The following RAD51B variants were observed in gnomAD, a reference collection of about 807,000 sequenced individuals.
RAD51B encodes DNA repair protein RAD51 homolog 2.
RAD51B carries 38 observed loss-of-function variants against 42.2 expected under a neutral mutation model. The ratio of observed to expected loss-of-function variants is 0.90; its 90% CI spans 0.70 to 1.18. The LOEUF is 1.18. RAD51B is among the 50% of genes most tolerant of loss of function. The pLI is 0.00. For missense variants in RAD51B, 373 were observed against 400.7 expected (o/e 0.93, Z 0.59); for synonymous variants, 154 against 145.2 (o/e 1.06, Z -0.43).
chr14:68,079,812 G>C (rs2076885976), intron 7 of RAD51B, among the ~76,000 whole-genome samples: 1 of 152,212 alleles, frequency 6.6e-6, no homozygotes, highest in Non-Finnish European at 1.5e-5. Flanking sequence ...TTTCAAGAAA[G>C]ATTTAAGGTG....
intron 10 of RAD51B, among the ~76,000 whole-genome samples, chr14:68,640,627 T>C (rs1290748004): frequency 1.3e-5 from 2 of 152,190 alleles, no homozygotes; most frequent in African/African-American, 4.8e-5. Flanking sequence ...AATGCAATGA[T>C]AGTAGTATTT....
intron 1 of RAD51B, among the ~76,000 whole-genome samples, chr14:67,821,826 T>C (rs772427228): frequency 2.0e-5 from 3 of 152,164 alleles, no homozygotes; most frequent in Non-Finnish European, 4.4e-5. Context: ...AATGGTGTCA[T>C]TACTTGAAAC....
At chr14:68,335,023 G>A (rs11621881) in intron 8 of RAD51B, among the ~76,000 whole-genome samples, 98,353 of 148,092 alleles carry the variant, frequency 0.66, 33,132 homozygotes, top group Non-Finnish European at 0.73. Flanking sequence ...TTGGCTGGGC[G>A]CAGTGGCTCA....
At chr14:67,870,970 C>T (rs940549462) in intron 5 of RAD51B, among the ~76,000 whole-genome samples, 1 of 149,182 alleles carries the variant, frequency 6.7e-6, no homozygotes, top group African/African-American at 2.5e-5. Flanking sequence ...ACTAAATGCC[C>T]ACAAGAGAAA....
intron 8 of RAD51B, among the ~76,000 whole-genome samples, chr14:68,314,175 A>G (rs2082013763): frequency 6.6e-6 from 1 of 152,192 alleles, no homozygotes; most frequent in African/African-American, 2.4e-5. Context: ...GCTGATAGCA[A>G]GTTCGCTATC....
intron 7 of RAD51B, among the ~76,000 whole-genome samples, chr14:68,056,363 G>A (rs1282840234): frequency 6.6e-6 from 1 of 151,860 alleles, no homozygotes; most frequent in Non-Finnish European, 1.5e-5. Flanking sequence ...TGGTCAGGCT[G>A]GTCTCTAACT....
intron 7 of RAD51B, among the ~76,000 whole-genome samples, chr14:68,223,678 A>T (rs1356015322): frequency 3.3e-5 from 5 of 150,626 alleles, no homozygotes; most frequent in Non-Finnish European, 1.5e-5. Flanking sequence ...CAAATTTTTT[A>T]AAATATTTTT....
chr14:67,995,376 T>A (rs1266321792), intron 7 of RAD51B, among the ~76,000 whole-genome samples: 1 of 151,632 alleles, frequency 6.6e-6, no homozygotes, highest in African/African-American at 2.4e-5. Flanking sequence ...AGAGCGAGAC[T>A]CCATCTCAAA....
intron 7 of RAD51B, among the ~76,000 whole-genome samples, chr14:68,163,069 T>C (rs1483710244): frequency 6.6e-6 from 1 of 152,220 alleles, no homozygotes; most frequent in Non-Finnish European, 1.5e-5. Flanking sequence ...GTTTCTGAAT[T>C]GTGCATATCT....
chr14:67,993,844 C>T (rs529750670), intron 7 of RAD51B, among the ~76,000 whole-genome samples: 2 of 152,054 alleles, frequency 1.3e-5, no homozygotes, highest in Non-Finnish European at 2.9e-5. Flanking sequence ...ACAATTATTA[C>T]TTTGTTTTTT....
chr14:68,209,546 T>C (rs1340151246), intron 7 of RAD51B, among the ~76,000 whole-genome samples: 1 of 152,236 alleles, frequency 6.6e-6, no homozygotes, highest in East Asian at 1.9e-4. Context: ...CTTGTTCATT[T>C]TTTTTTCCAA....
chr14:68,270,234 C>G (rs2139581544), intron 7 of RAD51B, among the ~76,000 whole-genome samples: 1 of 152,246 alleles, frequency 6.6e-6, no homozygotes, highest in Non-Finnish European at 1.5e-5. Flanking sequence ...TCAGATATGG[C>G]CAATAAAATT....
At chr14:68,581,581 C>T (rs1010545068) in intron 10 of RAD51B, among the ~76,000 whole-genome samples, 4 of 152,132 alleles carry the variant, frequency 2.6e-5, no homozygotes, top group Non-Finnish European at 5.9e-5. Context: ...CTCATACTGC[C>T]CATAGTAATT....
At chr14:68,283,614 G>T (rs554351109) in intron 7 of RAD51B, among the ~76,000 whole-genome samples, 70 of 152,312 alleles carry the variant, frequency 4.6e-4, no homozygotes, top group African/African-American at 1.5e-3. Flanking sequence ...TGCCGTCGGG[G>T]TTGGGCTGAA....
chr14:68,372,233 G>A (rs2083279707), intron 8 of RAD51B, among the ~76,000 whole-genome samples: 2 of 152,268 alleles, frequency 1.3e-5, no homozygotes, highest in Middle Eastern at 3.4e-3. Flanking sequence ...TAGAGTGTAG[G>A]GGACATAAGC....
At chr14:68,561,860 G>C in intron 10 of RAD51B, 1 of 738,552 alleles carries the variant, frequency 1.4e-6, no homozygotes, top group Non-Finnish European at 1.7e-6. Flanking sequence ...GGTCTCTGTA[G>C]TTTCCTCTGC....
intron 4 of RAD51B, among the ~76,000 whole-genome samples, chr14:67,858,787 C>T (rs2042076104): frequency 1.3e-5 from 2 of 152,220 alleles, no homozygotes; most frequent in Non-Finnish European, 2.9e-5. Flanking sequence ...TCTGCCTAGG[C>T]ATTTCACTGC....
intron 11 of RAD51B, among the ~76,000 whole-genome samples, chr14:68,668,734 C>T (rs1483238847): frequency 1.3e-5 from 2 of 152,248 alleles, no homozygotes; most frequent in Non-Finnish European, 2.9e-5. Context: ...TCCTGCACCC[C>T]CAGGCACGCT....
At chr14:67,834,594 GA>G (rs1199015520) in intron 3 of RAD51B, among the ~76,000 whole-genome samples, 1 of 152,018 alleles carries the variant, frequency 6.6e-6, no homozygotes, top group Non-Finnish European at 1.5e-5. Context: ...CATTCTAAAT[GA>G]ACTGTATATT....
Sources: allele counts gnomAD v4.1 joint callset (sites outside exome capture counted in the v4.1 genomes callset), GRCh38; gene constraint gnomAD v4.1.1; transcripts MANE v1.5; gene names NCBI Gene and HGNC (gene_info 2026-07-23, HGNC 2026-07-21).